Variants in LMO2 observed in about 807,000 individuals in gnomAD.
LMO2 encodes LIM domain only 2, also known as rhombotin-2.
A neutral mutation model predicts 23.2 loss-of-function variants in LMO2; 20 were observed. The ratio of observed to expected loss-of-function variants is 0.86; its 90% CI spans 0.61 to 1.25. The LOEUF (loss-of-function observed/expected upper bound fraction) is 1.25, where lower values mean the gene tolerates loss of function less well. Ranked by LOEUF, LMO2 falls within the 50% of genes most tolerant of loss-of-function variation. The pLI, the probability that LMO2 is intolerant of heterozygous loss-of-function variation, is 0.00. For synonymous variants in LMO2, 123 were observed against 130.2 expected (o/e 0.94, Z 0.38); for missense variants, 270 against 315.3 (o/e 0.86, Z 1.09).
At chr11:33,881,259 C>A (rs1857276189) in intron 2 of LMO2, 1 of 457,088 alleles carries the variant, frequency 2.2e-6, no homozygotes, top group Admixed American at 2.3e-5. Context: ...TTGCAGAAGG[C>A]CGCCTTGGGT....
chr11:33,874,772 T>C (rs1590646559), intron 2 of LMO2, among the ~76,000 whole-genome samples: 1 of 151,938 alleles, frequency 6.6e-6, no homozygotes, highest in Non-Finnish European at 1.5e-5. Context: ...TGCTGACAGC[T>C]TCTCTGCTTC....
chr11:33,886,501 C>T (rs566931787), intron 1 of LMO2, among the ~76,000 whole-genome samples: 10 of 152,222 alleles, frequency 6.6e-5, no homozygotes, highest in South Asian at 4.2e-4. Context: ...GCAGTATTGC[C>T]GAGGTGTCCC....
At chr11:33,871,047 A>T in intron 2 of LMO2, 1 of 983,790 alleles carries the variant, frequency 1.0e-6, no homozygotes. Context: ...ACGTACTTTC[A>T]GGATCCATGG....
chr11:33,869,784 G>T lies in LMO2; in HGVS notation c.-68C>A. ...GTCGCCGGCTCCGCGCCGCCCGCGG[G>T]GATGGTGTGCGCCCGCCCGGCCGCC... is the stretch of plus-strand genomic sequence containing the variant. On this transcript the variant is annotated 5_prime_UTR_variant, in exon 3 of 6. Coordinates refer to ENST00000257818, the MANE Select transcript of LMO2 (RefSeq NM_005574.4). The T allele has an allele frequency of 8.6e-7, 1 of 1,160,878 alleles. No homozygotes were observed. The allele number at this position is 1,160,878 out of a possible 1,614,324, so 71.9% of individuals were successfully genotyped here.
chr11:33,859,282 A>C lies in LMO2; in HGVS notation c.*74T>G. The C allele has an allele frequency of 4.4e-6, 5 of 1,129,652 alleles. No homozygotes were observed. Among genetic ancestry groups the C allele is most frequent in the Non-Finnish European group, 6.6e-6 (5 of 759,196 alleles). 70.0% of individuals were successfully genotyped at this position (1,129,652 alleles called of 1,614,324 possible). On this transcript the variant is annotated 3_prime_UTR_variant, in exon 6 of 6. Coordinates refer to ENST00000257818, the MANE Select transcript of LMO2 (RefSeq NM_005574.4). ...CACCCTCAAACCCCCAAAGTGCCTA[A>C]GAGTGAAGACGAAGATGCCATGGAG...
At chr11:33,861,595 G>A (rs946583614) in intron 5 of LMO2, among the ~76,000 whole-genome samples, 6 of 152,208 alleles carry the variant, frequency 3.9e-5, no homozygotes, top group Non-Finnish European at 5.9e-5. Context: ...CACATTGGAG[G>A]TCACAGAGTG....
chr11:33,875,915 C>T (rs77771246), intron 2 of LMO2, among the ~76,000 whole-genome samples: 2,876 of 152,320 alleles, frequency 0.019, 49 homozygotes, highest in Non-Finnish European at 0.033. Flanking sequence ...GATCCAAATT[C>T]ACTGTGGCCT....
At chr11:33,861,494 T>G (rs541234024) in intron 5 of LMO2, among the ~76,000 whole-genome samples, 2 of 152,312 alleles carry the variant, frequency 1.3e-5, no homozygotes, top group East Asian at 3.9e-4. Flanking sequence ...GATCTCTGAG[T>G]GTTTTCAAAG....
intron 2 of LMO2, among the ~76,000 whole-genome samples, chr11:33,874,117 C>A (rs1857083936): frequency 6.6e-6 from 1 of 151,190 alleles, no homozygotes; most frequent in Non-Finnish European, 1.5e-5. Context: ...GGTTTCGGCT[C>A]CCATGGAGAA....
At chr11:33,870,575 G>A (rs868831055) in intron 2 of LMO2, 1 of 985,602 alleles carries the variant, frequency 1.0e-6, no homozygotes, top group Non-Finnish European at 1.2e-6. Flanking sequence ...GACGCCTAGA[G>A]CAGAGCCAGG....
intron 4 of LMO2, among the ~76,000 whole-genome samples, chr11:33,867,696 G>A (rs916570629): frequency 3.3e-5 from 5 of 152,312 alleles, no homozygotes; most frequent in African/African-American, 1.2e-4. Context: ...GAAGGAGCTG[G>A]TGAGCCTCCA....
chr11:33,864,840 G>C lies in LMO2; in HGVS notation c.249-23C>G. The C allele has an allele frequency of 6.2e-7, 1 of 1,607,232 alleles. No homozygotes were observed. The highest frequency in any genetic ancestry group is 2.2e-5 in the East Asian group (1 of 44,864). On this transcript the variant is annotated intron_variant, in intron 4 of 5. Transcript: ENST00000257818. The surrounding 1 kb of genome is among the most constrained non-coding windows in gnomAD (Gnocchi z 4.8). ...TCCCTGGAGAGAAGGCCAAGCATCA[G>C]GGACAGCCTCACCAGAGTGAGACCA...
At chr11:33,863,150 G>A (rs1045079474) in intron 5 of LMO2, among the ~76,000 whole-genome samples, 3 of 152,062 alleles carry the variant, frequency 2.0e-5, no homozygotes, top group Non-Finnish European at 2.9e-5. Context: ...TCATTTACCC[G>A]TCTGCCCTCT....
chr11:33,859,973 G>A (rs1205346799), intron 5 of LMO2, among the ~76,000 whole-genome samples: 1 of 152,114 alleles, frequency 6.6e-6, no homozygotes. Flanking sequence ...GAGACCCTAG[G>A]GGCCCCTTTG....
intron 1 of LMO2, among the ~76,000 whole-genome samples, 181 bp from the exon 2 acceptor site, chr11:33,882,068 G>A (rs541113469): frequency 1.3e-5 from 2 of 152,312 alleles, no homozygotes; most frequent in South Asian, 4.1e-4. Flanking sequence ...CGTGACGGGT[G>A]GGGCAGGCGG....
chr11:33,866,563 G>A (rs1316306180), intron 4 of LMO2, among the ~76,000 whole-genome samples: 1 of 152,208 alleles, frequency 6.6e-6, no homozygotes, highest in Non-Finnish European at 1.5e-5. Context: ...CTGAGCCCAG[G>A]AAGTTGAGGC....
chr11:33,876,047 C>G (rs1381181344), intron 2 of LMO2, among the ~76,000 whole-genome samples: 5 of 152,184 alleles, frequency 3.3e-5, no homozygotes, highest in African/African-American at 1.2e-4. Context: ...CAAGCTGACT[C>G]CTACTGGAAG....
intron 5 of LMO2, 109 bp from the exon 6 acceptor site, chr11:33,859,684 A>C: frequency 1.0e-6 from 1 of 966,140 alleles, no homozygotes; most frequent in Non-Finnish European, 1.5e-6. Context: ...GATGTCAGGA[A>C]GCCAGGGAAG....
At chr11:33,882,192 C>T (rs1166673080) in intron 1 of LMO2, among the ~76,000 whole-genome samples, 1 of 152,118 alleles carries the variant, frequency 6.6e-6, no homozygotes, top group Non-Finnish European at 1.5e-5. Flanking sequence ...ACCAGCCCAG[C>T]TTGTGAATGT....
Sources: gnomAD v4.1 joint callset for allele counts (sites outside exome capture counted in the v4.1 genomes callset) on GRCh38, gnomAD v4.1.1 for gene constraint, Gnocchi (gnomAD v3.1) non-coding constraint, MANE v1.5 for transcripts, NCBI Gene and HGNC (gene_info 2026-07-23, HGNC 2026-07-21) for gene names.